The following RIC1 variants were observed in gnomAD, a reference collection of about 807,000 sequenced individuals.
RIC1 encodes guanine nucleotide exchange factor subunit RIC1.
RIC1 carries 88 observed loss-of-function variants against 169.0 expected under a neutral mutation model. The observed-to-expected ratio is 0.52, with a 90% CI of 0.44 to 0.62. The LOEUF is 0.62. Among genes scored for constraint, RIC1 ranks in the 20% least tolerant of loss-of-function variants. The pLI is 0.00. For missense variants in RIC1, 1,877 were observed against 1,725.5 expected, an observed-to-expected ratio of 1.09 and a Z score of -1.56; for synonymous variants, 790 against 601.5, an observed-to-expected ratio of 1.31 and a Z score of -4.59.
intron 8 of RIC1, among the ~76,000 whole-genome samples, chr9:5,741,967 T>G (rs1825110875): frequency 6.6e-6 from 1 of 152,222 alleles, no homozygotes. Context: ...GAGCACTACA[T>G]CAGTCTGTGA....
intron 6 of RIC1, among the ~76,000 whole-genome samples, chr9:5,724,535 A>C (rs1823828745): frequency 6.6e-6 from 1 of 152,150 alleles, no homozygotes; most frequent in African/African-American, 2.4e-5. Context: ...TCTTTTCCTA[A>C]TTGAATACCC....
At chr9:5,704,376 A>C (rs1250673864) in intron 3 of RIC1, among the ~76,000 whole-genome samples, 1 of 151,772 alleles carries the variant, frequency 6.6e-6, no homozygotes. Flanking sequence ...ACACCTGGCT[A>C]ATTTTTTGAT....
At chr9:5,764,466 A>G (rs986915761) in intron 19 of RIC1, among the ~76,000 whole-genome samples, 5 of 152,330 alleles carry the variant, frequency 3.3e-5, no homozygotes, top group South Asian at 2.1e-4. Flanking sequence ...TTCATTAGCT[A>G]TTTGACAAAA....
At position 5,689,963 on chromosome 9, in the gene RIC1, C is replaced by A. The variant is rs371717422; in HGVS notation, c.257C>A (p.Ala86Glu). 12 of 1,591,542 alleles carry A rather than the reference C, an allele frequency of 7.5e-6. No homozygotes were observed. Among genetic ancestry groups the A allele is most frequent in the African/African-American group, 6.8e-5 (5 of 73,904 alleles). ...PDSTMIAVST[A>E]NGYILFFHIT... The stretch of plus-strand genomic sequence containing the variant: ...TTAATAAAATTTCTCTTTCAGACGG[C>A]AAATGGATACATCTTGTTTTTTCAT... The change falls in exon 3 of 26, where the codon GCA (alanine) becomes GAA (glutamate). Residue 86 changes from alanine to glutamate, a missense_variant. This residue lies in a region of RIC1 where 1,104 missense variants were observed against 992.0 expected (regional missense o/e 1.11). Coordinates refer to ENST00000414202, the MANE Select transcript of RIC1 (RefSeq NM_020829.4).
chr9:5,710,109 A>T (rs1357565854), intron 3 of RIC1, among the ~76,000 whole-genome samples: 1 of 152,172 alleles, frequency 6.6e-6, no homozygotes, highest in Non-Finnish European at 1.5e-5. Context: ...AAGAGCATCA[A>T]ACTTGAGCGC....
At chr9:5,700,731 G>A (rs529575763) in intron 3 of RIC1, among the ~76,000 whole-genome samples, 80 of 152,236 alleles carry the variant, frequency 5.3e-4, no homozygotes, top group African/African-American at 1.9e-3. Context: ...TTCTGCACAA[G>A]TGCACACTAA....
intron 7 of RIC1, among the ~76,000 whole-genome samples, chr9:5,736,983 CAA>C (rs55858819): frequency 4.4e-4 from 61 of 139,726 alleles, no homozygotes; most frequent in Middle Eastern, 3.7e-3. Context: ...CTCCTACCAC[CAA>C]AAAAAAAAAA....
chr9:5,739,753 A>C (rs963810846), intron 8 of RIC1, among the ~76,000 whole-genome samples: 1 of 152,124 alleles, frequency 6.6e-6, no homozygotes, highest in Admixed American at 6.5e-5. Context: ...GGGATGGGGA[A>C]AGCTGTTTCT....
chr9:5,760,102 C>T (rs921025854), intron 17 of RIC1, among the ~76,000 whole-genome samples: 1 of 152,238 alleles, frequency 6.6e-6, no homozygotes, highest in South Asian at 2.1e-4. Flanking sequence ...TCATTTAATA[C>T]TAAAGTTTTC....
chr9:5,640,619 C>T (rs1319758155), intron 1 of RIC1, among the ~76,000 whole-genome samples: 2 of 152,136 alleles, frequency 1.3e-5, no homozygotes, highest in Non-Finnish European at 2.9e-5. Context: ...TGTAATTGTG[C>T]TGTGTAAACT....
Position 5,743,027 on chromosome 9 carries a change from G to A in RIC1, c.1046+14G>A, listed in dbSNP as rs1825171001. On this transcript the variant is annotated intron_variant, in intron 9 of 25. Transcript: ENST00000414202. The stretch of plus-strand genomic sequence containing the variant: ...AGGAGATTTTGCGTAAGTCAAAAAA[G>A]ACAATTTTTAGATAAAATAACTCCA... The A allele has an allele frequency of 6.3e-7, 1 of 1,597,744 alleles. No individual in the cohort carries two copies. Among genetic ancestry groups the A allele is most frequent in the Non-Finnish European group, 8.5e-7 (1 of 1,175,390 alleles).
rs184282533 is a variant in RIC1, at chr9:5,643,690, A to T, written c.145-12893A>T. 2.2e-3 allele frequency among the ~76,000 whole-genome samples: 341 copies of T among 152,282 alleles called. 1 individual carries two copies. The highest frequency in any genetic ancestry group is 7.9e-3 in the African/African-American group (329 of 41,564). On this transcript the variant is annotated intron_variant, in intron 1 of 25. Coordinates refer to ENST00000414202, the MANE Select transcript of RIC1 (RefSeq NM_020829.4). The stretch of plus-strand genomic sequence containing the variant: ...TGAAAAAAGATTTTTTTCCTATGTG[A>T]TTGTTTACTTCAGTATTTGTATGTC...
In RIC1 at chr9:5,746,694, T is replaced by C. The variant is rs145248465; in HGVS notation, c.1249-608T>C. On this transcript the variant is annotated intron_variant, in intron 11 of 25. Coordinates refer to ENST00000414202, the MANE Select transcript of RIC1 (RefSeq NM_020829.4). ...TCTTGTATTTCTATCTGAAATAGTG[T>C]ATACTAATATTATTATATATCGCTA... Among the ~76,000 whole-genome samples, 58 of 152,332 alleles carry C rather than the reference T, an allele frequency of 3.8e-4. No individual in the cohort carries two copies. The East Asian group carries it at 0.011, about 28-fold the overall frequency.
chr9:5,777,529 A>AACC (rs1827657890), downstream of RIC1, among the ~76,000 whole-genome samples: 1 of 152,032 alleles, frequency 6.6e-6, no homozygotes, highest in Non-Finnish European at 1.5e-5. Flanking sequence ...TGTCCTTTGA[A>AACC]ACACTGTTTT....
At chr9:5,693,701 A>G (rs913556922) in intron 3 of RIC1, among the ~76,000 whole-genome samples, 2 of 152,116 alleles carry the variant, frequency 1.3e-5, no homozygotes, top group Non-Finnish European at 2.9e-5. Context: ...ATGTGTTCAT[A>G]TGCTTATGTT....
intron 2 of RIC1, among the ~76,000 whole-genome samples, chr9:5,678,094 G>A (rs902346651): frequency 2.2e-4 from 34 of 151,746 alleles, no homozygotes; most frequent in African/African-American, 7.3e-4. Context: ...GAGAACATGC[G>A]GTGTTTGTTT....
At chr9:5,723,499 T>G (rs1165166163) in intron 6 of RIC1, among the ~76,000 whole-genome samples, 3 of 152,218 alleles carry the variant, frequency 2.0e-5, no homozygotes, top group Admixed American at 1.3e-4. Context: ...TTTTTCCCAT[T>G]CTGTAGGTTG....
chr9:5,753,438 TA>T, intron 13 of RIC1, 97 bp from the exon 14 acceptor site: 1 of 842,014 alleles, frequency 1.2e-6, no homozygotes, highest in Non-Finnish European at 1.9e-6. Context: ...AGCAAACATT[TA>T]TTAATTGTCT....
At chr9:5,666,168 G>T (rs1819744236) in intron 2 of RIC1, among the ~76,000 whole-genome samples, 1 of 152,174 alleles carries the variant, frequency 6.6e-6, no homozygotes, top group Non-Finnish European at 1.5e-5. Flanking sequence ...AGGAGGAGTG[G>T]ATTGAGGTCT....
Sources: gnomAD v4.1 joint callset for allele counts (sites outside exome capture counted in the v4.1 genomes callset) on GRCh38, gnomAD v4.1.1 for gene constraint, gnomAD v4.1.1 regional missense constraint, MANE v1.5 for transcripts, NCBI Gene and HGNC (gene_info 2026-07-23, HGNC 2026-07-21) for gene names.